The following BIN1 variants were observed in gnomAD, a reference collection of about 807,000 sequenced individuals.
The protein encoded by BIN1 is bridging integrator 1, also known as myc box-dependent-interacting protein 1.
Under a neutral mutation model 82.0 loss-of-function variants are expected in BIN1, and 53 were observed. The ratio of observed to expected loss-of-function variants is 0.65; its 90% CI spans 0.52 to 0.81. The LOEUF (loss-of-function observed/expected upper bound fraction) is 0.81. Ranked by LOEUF, BIN1 falls within the 40% of genes least tolerant of loss-of-function variation. BIN1 has a pLI of 0.00. For missense variants in BIN1, 642 were observed against 784.4 expected (o/e 0.82, Z 2.17); for synonymous variants, 302 against 328.0 (o/e 0.92, Z 0.86).
At chr2:127,105,768 C>T (rs1681020579) in intron 1 of BIN1, among the ~76,000 whole-genome samples, 1 of 152,222 alleles carries the variant, frequency 6.6e-6, no homozygotes, top group African/African-American at 2.4e-5. Flanking sequence ...CAGGGGAAGG[C>T]CGGCCTGTCC....
chr2:127,106,989 G>C lies in BIN1; in HGVS notation c.-46C>G. ...GTGGCAGGGGCCGCTCTCGCGCGGG[G>C]AGATCTTGCGCGCCGCGCTCCCAGC... On this transcript the variant is annotated 5_prime_UTR_variant, in exon 1 of 19. Coordinates refer to ENST00000316724, the MANE Select transcript of BIN1 (RefSeq NM_139343.3). The C allele has an allele frequency of 6.4e-7, 1 of 1,569,100 alleles. No individual in the cohort carries two copies. The highest frequency in any genetic ancestry group is 8.6e-7 in the Non-Finnish European group (1 of 1,161,830).
intron 1 of BIN1, among the ~76,000 whole-genome samples, chr2:127,084,311 C>T (rs1322036082): frequency 6.6e-6 from 1 of 152,250 alleles, no homozygotes; most frequent in Non-Finnish European, 1.5e-5. Context: ...CGAGCCTCCC[C>T]TGGTCTTGCC....
chr2:127,089,917 C>T (rs563179665), intron 1 of BIN1, among the ~76,000 whole-genome samples: 49 of 151,624 alleles, frequency 3.2e-4, no homozygotes, highest in Non-Finnish European at 5.5e-4. Flanking sequence ...CACTGGATTC[C>T]CCCCTGCTCC....
chr2:127,049,042 C>T (rs1194252845), intron 18 of BIN1, among the ~76,000 whole-genome samples: 1 of 152,260 alleles, frequency 6.6e-6, no homozygotes, highest in African/African-American at 2.4e-5. Context: ...TTGCCCTTTG[C>T]TTCAATCCTG....
intron 2 of BIN1, among the ~76,000 whole-genome samples, chr2:127,075,934 C>T (rs564634812): frequency 1.1e-4 from 15 of 142,026 alleles, no homozygotes; most frequent in African/African-American, 3.7e-4. Flanking sequence ...ATGCTCCCAG[C>T]CCTCCCAGTT....
Position 127,062,134 on chromosome 2 carries a change from T to C in BIN1, c.838A>G (p.Thr280Ala), listed in dbSNP as rs1282033978. Reference protein sequence around the residue: ...LEKQHGSNTFTVKAQPSDNAP... With the variant: ...LEKQHGSNTFAVKAQPSDNAP... Reference sequence around the variant, plus strand: ...ACGCACCTGGGCTGGGCCTTGACCGTGAAGGTGTTGCTCCCGTGTTGCTTC... The same window carrying C: ...ACGCACCTGGGCTGGGCCTTGACCGCGAAGGTGTTGCTCCCGTGTTGCTTC... Residue 280 changes from threonine (T) to alanine (A), a missense_variant, in exon 10 of 19, where the codon ACG (threonine) becomes GCG (alanine). Thr to Ala is a moderately conservative substitution (Grantham distance 58, BLOSUM62 0). Coordinates refer to ENST00000316724, the MANE Select transcript of BIN1 (RefSeq NM_139343.3). 39 of 1,610,274 alleles carry C rather than the reference T, an allele frequency of 2.4e-5. No homozygotes were observed. The highest frequency in any genetic ancestry group is 3.1e-5 in the Non-Finnish European group (37 of 1,178,692).
At chr2:127,076,730 G>A in intron 1 of BIN1, 24 bp from the exon 2 acceptor site, 2 of 1,613,506 alleles carry the variant, frequency 1.2e-6, no homozygotes, top group South Asian at 1.1e-5. Flanking sequence ...GAGAGAAGGG[G>A]AGAGTGTTAC....
Position 127,054,364 on chromosome 2 carries a change from C to G in BIN1, c.1132-352G>C. On this transcript the variant is annotated intron_variant, in intron 12 of 18. Transcript: ENST00000316724. The stretch of plus-strand genomic sequence containing the variant: ...CCCAGCTCTCTTCCGCCACCATCCA[C>G]AGACTGGTGGGCCCCTCCCCACCAA... 5.7e-6 allele frequency: 2 copies of G among 349,378 alleles called. 1 individual carries two copies. Among genetic ancestry groups the G allele is most frequent in the South Asian group, 5.2e-5 (2 of 38,506 alleles). The allele number at this position is 349,378 out of a possible 1,614,324, so 21.6% of individuals were successfully genotyped here.
At position 127,093,528 on chromosome 2, in the gene BIN1, G is replaced by C. The variant is rs78061772; in HGVS notation, c.84+13332C>G. On this transcript the variant is annotated intron_variant, in intron 1 of 18. Coordinates refer to ENST00000316724, the MANE Select transcript of BIN1 (RefSeq NM_139343.3). This position sits in a 1 kb window ranked among gnomAD's most constrained non-coding sequence, Gnocchi z 5.7. ...AGAGAGGCCGGAAAGAAGCCGAGCCGACAAGCCTTGCTGGGTTCCCCCTCG... is the reference window on the plus strand; with the variant it reads ...AGAGAGGCCGGAAAGAAGCCGAGCCCACAAGCCTTGCTGGGTTCCCCCTCG... Among the ~76,000 whole-genome samples the C allele has an allele frequency of 4.8e-3, 725 of 152,256 alleles. 24 individuals carry two copies. In the East Asian group the frequency reaches 0.09, roughly 19 times the overall value.
intron 10 of BIN1, among the ~76,000 whole-genome samples, chr2:127,060,895 G>C (rs1468110334): frequency 6.6e-6 from 1 of 152,214 alleles, no homozygotes; most frequent in Non-Finnish European, 1.5e-5. Context: ...GGGCAGTGGA[G>C]AGTCACCCTG....
chr2:127,101,001 G>GGGGCGGGGC lies in BIN1; in HGVS notation c.84+5858_84+5859insGCCCCGCCC, dbSNP rs757926602. On this transcript the variant is annotated intron_variant, in intron 1 of 18. Transcript: ENST00000316724. ...ACTTGCCCAAGGGTAGGAATGTGCG[G>GGGGCGGGGC]GGGGTGGGGATAGACTCAAACTCAG... Among the ~76,000 whole-genome samples, 3 of 128,664 alleles carry GGGGCGGGGC rather than the reference G, an allele frequency of 2.3e-5. 1 individual carries two copies. Among genetic ancestry groups the GGGGCGGGGC allele is most frequent in the Non-Finnish European group, 4.8e-5 (3 of 62,600 alleles). The allele number at this position is 128,664 out of a possible 152,430, so 84.4% of individuals were successfully genotyped here. A position where few individuals can be genotyped will look rare whatever the true frequency, so the allele number is the denominator to read the frequency against.
At chr2:127,055,542 G>A in intron 12 of BIN1, 1 of 152,286 alleles carries the variant, frequency 6.6e-6, no homozygotes, top group East Asian at 1.9e-4. Context: ...GAGCCCTGAG[G>A]ACGCCGGTGC....
Position 127,076,638 on chromosome 2 carries a change from G to C in BIN1, c.153C>G (p.Phe51Leu), listed in dbSNP as rs758601442. Residue 51 changes from phenylalanine to leucine, a missense_variant, in exon 2 of 19, where the codon TTC becomes TTG. By Grantham distance (22) the Phe-to-Leu change is conservative. Transcript: ENST00000316724. ...CACCCACACTCACCAGCTGCTTGTT[G>C]AAATTCTGGACGCACTGCTCAAACT... Reference protein sequence around the residue: ...DEQFEQCVQNFNKQLTEGTRL... With the variant: ...DEQFEQCVQNLNKQLTEGTRL... The C allele has an allele frequency of 1.9e-6, 3 of 1,614,116 alleles. No homozygotes were observed. The highest frequency in any genetic ancestry group is 1.7e-6 in the Non-Finnish European group (2 of 1,180,024).
chr2:127,057,703 G>C lies in BIN1; in HGVS notation c.1003-102C>G. 7.3e-7 allele frequency: 1 copy of C among 1,377,808 alleles called. No homozygotes were observed. The highest frequency in any genetic ancestry group is 9.5e-7 in the Non-Finnish European group (1 of 1,049,164). The allele number at this position is 1,377,808 out of a possible 1,614,324, so 85.3% of individuals were successfully genotyped here. A position where few individuals can be genotyped will look rare whatever the true frequency, so the allele number is the denominator to read the frequency against. ...CAAAGCCACGGTTAGTCACACCTCA[G>C]GCCACAGTCCCACCCAGGCCACTGA... On this transcript the variant is annotated intron_variant, in intron 11 of 18. Coordinates refer to ENST00000316724, the MANE Select transcript of BIN1 (RefSeq NM_139343.3). The surrounding 1 kb of genome is among the most constrained non-coding windows in gnomAD (Gnocchi z 5.0).
At chr2:127,050,333 T>C in intron 18 of BIN1, 88 bp downstream of exon 18, 2 of 1,450,940 alleles carry the variant, frequency 1.4e-6, no homozygotes, top group Non-Finnish European at 1.9e-6. Context: ...TGCTGCCCCC[T>C]GCTGGCCTGT....
At chr2:127,054,865 C>T (rs1183698367) in intron 12 of BIN1, 1 of 152,268 alleles carries the variant, frequency 6.6e-6, no homozygotes, top group African/African-American at 2.4e-5. Context: ...GAGGAAGGGG[C>T]TTCCTTAGAG....
Position 127,067,955 on chromosome 2 carries a change from C to T in BIN1, c.612+208G>A, listed in dbSNP as rs766846298. 6.6e-6 allele frequency among the ~76,000 whole-genome samples: 1 copy of T among 152,176 alleles called. No homozygotes were observed. Among genetic ancestry groups the T allele is most frequent in the East Asian group, 1.9e-4 (1 of 5,176 alleles). ...GGAGCGGGCATAGCTATGCCCCCAC[C>T]CAGGTCACACAGAGCCCCTCAGCCG... On this transcript the variant is annotated intron_variant, in intron 7 of 18. Transcript: ENST00000316724. The surrounding 1 kb of genome is among the most constrained non-coding windows in gnomAD (Gnocchi z 4.7).
intron 1 of BIN1, 22 bp from the exon 2 acceptor site, chr2:127,076,728 G>C (rs375206788): frequency 2.5e-6 from 4 of 1,613,650 alleles, no homozygotes; most frequent in Admixed American, 1.7e-5. Context: ...AAGAGAGAAG[G>C]GGAGAGTGTT....
chr2:127,055,327 C>G (rs896111037), intron 12 of BIN1: 3 of 152,328 alleles, frequency 2.0e-5, no homozygotes, highest in African/African-American at 7.2e-5. Flanking sequence ...GCTCAGGGGA[C>G]AAGGCGTGGA....
Sources: gnomAD v4.1 joint callset for allele counts (sites outside exome capture counted in the v4.1 genomes callset) on GRCh38, gnomAD v4.1.1 for gene constraint, Gnocchi (gnomAD v3.1) non-coding constraint, MANE v1.5 for transcripts, NCBI Gene and HGNC (gene_info 2026-07-23, HGNC 2026-07-21) for gene names.